GAS2: variants seen among roughly 807,000 people sequenced by gnomAD.
GAS2 encodes growth arrest-specific protein 2.
A neutral mutation model predicts 37.5 loss-of-function variants in GAS2; 20 were observed. The observed-to-expected ratio is 0.53, with a 90% CI of 0.37 to 0.77. The LOEUF is 0.77. Among genes scored for constraint, GAS2 ranks in the 30% least tolerant of loss-of-function variants. The pLI, the probability that GAS2 is intolerant of heterozygous loss-of-function variation, is 0.00. For missense variants in GAS2, 336 were observed against 373.4 expected (o/e 0.90, Z 0.82); for synonymous variants, 144 against 132.2 (o/e 1.09, Z -0.61).
intron 1 of GAS2, among the ~76,000 whole-genome samples, chr11:22,672,894 T>C (rs1449486365): frequency 6.6e-6 from 1 of 152,076 alleles, no homozygotes; most frequent in Non-Finnish European, 1.5e-5. Flanking sequence ...TTTAGGACTT[T>C]ATATGGATAA....
At position 22,737,759 on chromosome 11, in the gene GAS2, T is replaced by C. The variant is rs756488991; in HGVS notation, c.464T>C (p.Ile155Thr). 1.2e-6 allele frequency: 2 copies of C among 1,614,144 alleles called. No individual in the cohort carries two copies. Among genetic ancestry groups the C allele is most frequent in the Non-Finnish European group, 1.7e-6 (2 of 1,179,974 alleles). Residue 155 changes from isoleucine to threonine, a missense_variant, in exon 5 of 8, where the codon ATT becomes ACT. Coordinates refer to ENST00000454584, the MANE Select transcript of GAS2 (RefSeq NM_001143830.3). ...VCLCLLELGR[I>T]AARYGVEPPG... ...CTCTGTCTGCTAGAGCTTGGCCGGA[T>C]TGCAGCCAGGTAGGTCAAACCACTG... is the stretch of plus-strand genomic sequence containing the variant.
chr11:22,689,486 A>T lies in GAS2; in HGVS notation c.267+3697A>T, dbSNP rs529484463. Among the ~76,000 whole-genome samples the T allele has an allele frequency of 2.6e-4, 40 of 152,306 alleles. 1 individual carries two copies. The East Asian group carries it at 7.3e-3, about 28-fold the overall frequency. On this transcript the variant is annotated intron_variant, in intron 3 of 7. Transcript: ENST00000454584. ...GCCTTACTGTATGAAAAGTGCAAAG[A>T]TGACTACATTTTATTTTTTGCCTTT...
rs935439293 is a variant in GAS2, at chr11:22,674,856, C to T, written c.-14C>T. 2.6e-6 allele frequency: 4 copies of T among 1,566,976 alleles called. No homozygotes were observed. The East Asian group carries it at 9.2e-5, about 36-fold the overall frequency. On this transcript the variant is annotated 5_prime_UTR_variant, in exon 2 of 8. Transcript: ENST00000454584. ...TCTTTTGTTTCCAAAACAGGTATTA[C>T]AAGTGGATAAATAATGTGCACTGCT...
chr11:22,665,385 G>A (rs1477201004), upstream of GAS2, among the ~76,000 whole-genome samples: 1 of 151,830 alleles, frequency 6.6e-6, no homozygotes, highest in Non-Finnish European at 1.5e-5. Context: ...TTCTTTGTTG[G>A]GGCTCTAGGA....
chr11:22,643,854 T>G (rs935811822), intron 1 of GAS2, among the ~76,000 whole-genome samples: 3 of 152,156 alleles, frequency 2.0e-5, no homozygotes, highest in African/African-American at 7.2e-5. Flanking sequence ...AAGGACATTT[T>G]TTTTCCTGCT....
At chr11:22,690,918 CT>C (rs1850217304) in intron 3 of GAS2, among the ~76,000 whole-genome samples, 1 of 152,140 alleles carries the variant, frequency 6.6e-6, no homozygotes, top group Non-Finnish European at 1.5e-5. Context: ...GTGCAAAAGA[CT>C]CTCTCAACCA....
chr11:22,636,049 C>A (rs1042247807), intron 1 of GAS2, among the ~76,000 whole-genome samples: 1 of 152,172 alleles, frequency 6.6e-6, no homozygotes, highest in Non-Finnish European at 1.5e-5. Context: ...AGTTTTCCAC[C>A]TGGCTTAGGG....
At chr11:22,785,294 T>C (rs1855768480) in intron 7 of GAS2, among the ~76,000 whole-genome samples, 1 of 152,158 alleles carries the variant, frequency 6.6e-6, no homozygotes, top group Non-Finnish European at 1.5e-5. Flanking sequence ...CCTCCTCTTT[T>C]TTCCATTCAT....
At chr11:22,806,657 C>G (rs574921087) in intron 7 of GAS2, among the ~76,000 whole-genome samples, 2 of 152,168 alleles carry the variant, frequency 1.3e-5, no homozygotes, top group Admixed American at 6.6e-5. Flanking sequence ...AAGCTTGAAA[C>G]CTTCAAACAG....
chr11:22,792,534 A>C (rs535711663), intron 7 of GAS2, among the ~76,000 whole-genome samples: 2 of 152,370 alleles, frequency 1.3e-5, no homozygotes, highest in African/African-American at 4.8e-5. Context: ...TAGAGGCAAA[A>C]GTAAATTTAA....
intron 5 of GAS2, among the ~76,000 whole-genome samples, chr11:22,744,488 T>A (rs978103463): frequency 3.3e-5 from 5 of 152,106 alleles, no homozygotes; most frequent in Non-Finnish European, 7.4e-5. Flanking sequence ...ACAAGATTGG[T>A]TCAACATATG....
In GAS2 at chr11:22,736,230, G is replaced by T. The variant is rs139371772; in HGVS notation, c.410-1475G>T. ...GCCACAGTCAACTTGTAGTAGATTT[G>T]AAACTGGAGGTAGTAAATATCTTCA... is the stretch of plus-strand genomic sequence containing the variant. On this transcript the variant is annotated intron_variant, in intron 4 of 7. Transcript: ENST00000454584. Among the ~76,000 whole-genome samples the T allele has an allele frequency of 3.0e-4, 46 of 152,020 alleles. 1 individual carries two copies. In the East Asian group the frequency reaches 8.9e-3, roughly 29 times the overall value.
chr11:22,771,752 G>A (rs1392305371), intron 7 of GAS2, among the ~76,000 whole-genome samples: 2 of 152,072 alleles, frequency 1.3e-5, no homozygotes, highest in Non-Finnish European at 2.9e-5. Context: ...ACTACATTAT[G>A]AGAATTTTTA....
chr11:22,684,647 C>G (rs879690479), intron 2 of GAS2, among the ~76,000 whole-genome samples: 3 of 152,168 alleles, frequency 2.0e-5, no homozygotes, highest in Admixed American at 1.3e-4. Flanking sequence ...TCACTGCAGC[C>G]TCTGCCTCCC....
intron 3 of GAS2, among the ~76,000 whole-genome samples, chr11:22,687,228 G>C (rs1189604346): frequency 6.6e-6 from 1 of 152,138 alleles, no homozygotes; most frequent in African/African-American, 2.4e-5. Context: ...TTGGGAAACT[G>C]AGGCGGCAGG....
chr11:22,651,496 T>G (rs1260997045), intron 1 of GAS2, among the ~76,000 whole-genome samples: 3 of 152,344 alleles, frequency 2.0e-5, no homozygotes, highest in Non-Finnish European at 4.4e-5. Context: ...TTCTCCTGGA[T>G]AATATCCTGC....
chr11:22,798,822 C>G (rs141502943), intron 7 of GAS2, among the ~76,000 whole-genome samples: 352 of 152,112 alleles, frequency 2.3e-3, no homozygotes, highest in Non-Finnish European at 3.8e-3. Flanking sequence ...GGCAAACTAT[C>G]CATGGAACAC....
At chr11:22,649,300 G>A (rs1848742320) in intron 1 of GAS2, among the ~76,000 whole-genome samples, 1 of 151,890 alleles carries the variant, frequency 6.6e-6, no homozygotes, top group African/African-American at 2.4e-5. Flanking sequence ...TTTTTGATGT[G>A]CTGCTGGATT....
intron 3 of GAS2, among the ~76,000 whole-genome samples, chr11:22,718,444 ATAAGTGGGAGC>A (rs1432343148): frequency 4.0e-5 from 6 of 151,146 alleles, no homozygotes; most frequent in African/African-American, 1.5e-4. Context: ...GTTCTCAGTT[ATAAGTGGGAGC>A]TAAGCTATGA....
Sources: allele counts gnomAD v4.1 joint callset (sites outside exome capture counted in the v4.1 genomes callset), GRCh38; gene constraint gnomAD v4.1.1; transcripts MANE v1.5; gene names NCBI Gene and HGNC (gene_info 2026-07-23, HGNC 2026-07-21).